GUCY1B1: variants seen among roughly 807,000 people sequenced by gnomAD.
GUCY1B1 encodes the protein guanylate cyclase 1 soluble subunit beta 1.
In GUCY1B1, 43 loss-of-function variants were observed where a neutral mutation model predicts 71.0. The observed-to-expected ratio is 0.61, with a 90% CI of 0.47 to 0.78. The LOEUF (loss-of-function observed/expected upper bound fraction) is 0.78, where lower values mean the gene tolerates loss of function less well. Ranked by LOEUF, GUCY1B1 falls within the 30% of genes least tolerant of loss-of-function variation. The pLI, the probability that GUCY1B1 is intolerant of heterozygous loss-of-function variation, is 0.00. For synonymous variants in GUCY1B1, 266 were observed against 259.7 expected, an observed-to-expected ratio of 1.02 and a Z score of -0.23; for missense variants, 535 against 754.1, an observed-to-expected ratio of 0.71 and a Z score of 3.40.
chr4:155,803,734 C>A lies in GUCY1B1; in HGVS notation c.1524C>A (p.Gly508=). 6.3e-7 allele frequency: 1 copy of A among 1,597,926 alleles called. No individual in the cohort carries two copies. Among genetic ancestry groups the A allele is most frequent in the Non-Finnish European group, 8.5e-7 (1 of 1,171,986 alleles). Residue 508 remains glycine, a synonymous_variant, in exon 11 of 14, where the codon GGC becomes GGA. Transcript: ENST00000264424. ...HLALDMMEIA[G]QVQVDGESVQ... ...CCTTGGACATGATGGAAATTGCTGG[C>A]CAGGTTCAAGTAGATGGTGAATCTG...
chr4:155,770,516 G>C (rs549906187), intron 2 of GUCY1B1, among the ~76,000 whole-genome samples: 3 of 152,254 alleles, frequency 2.0e-5, no homozygotes, highest in Admixed American at 1.3e-4. Context: ...AGCTTCAAAG[G>C]CCATATTATC....
chr4:155,781,497 A>G (rs1013103399), intron 4 of GUCY1B1, among the ~76,000 whole-genome samples: 2 of 152,196 alleles, frequency 1.3e-5, no homozygotes, highest in Non-Finnish European at 2.9e-5. Flanking sequence ...AAAAATTTGC[A>G]TTATGCGTAT....
At chr4:155,785,514 A>C (rs982188005) in intron 4 of GUCY1B1, among the ~76,000 whole-genome samples, 1 of 152,166 alleles carries the variant, frequency 6.6e-6, no homozygotes, top group Non-Finnish European at 1.5e-5. Context: ...AGCAATGTGG[A>C]TGAACTATCA....
chr4:155,791,789 C>T (rs866739460), intron 5 of GUCY1B1, among the ~76,000 whole-genome samples: 10 of 106,356 alleles, frequency 9.4e-5, no homozygotes, highest in Non-Finnish European at 2.1e-4. Context: ...CAAAAAAAAA[C>T]ACAGCATCTA....
chr4:155,793,858 T>G lies in GUCY1B1; in HGVS notation c.498T>G (p.Val166=). 1.5e-6 allele frequency: 2 copies of G among 1,355,026 alleles called. No homozygotes were observed. Among genetic ancestry groups the G allele is most frequent in the Non-Finnish European group, 2.1e-6 (2 of 944,120 alleles). 83.9% of individuals were successfully genotyped at this position (1,355,026 alleles called of 1,614,324 possible). A position where few individuals can be genotyped will look rare whatever the true frequency, so the allele number is the denominator to read the frequency against. ...QIHGTEIDMK[V]IQQRNEECDH... ...CCATTTCCCCCTTTGATATCCAGGT[T>G]ATTCAGCAAAGAAATGAAGAATGTG... Residue 166 remains valine, a splice_region_variant and synonymous_variant, in exon 6 of 14, where the codon GTT becomes GTG. Transcript: ENST00000264424.
Position 155,804,493 on chromosome 4 carries a change from A to G in GUCY1B1, c.1555-100A>G. On this transcript the variant is annotated intron_variant, in intron 11 of 13. Coordinates refer to ENST00000264424, the MANE Select transcript of GUCY1B1 (RefSeq NM_000857.5). ...ATATATACCTATGTAACAAACCTGC[A>G]CCTTCTGCACCTGTATGCCAGAACT... 6 of 865,768 alleles carry G rather than the reference A, an allele frequency of 6.9e-6. 1 individual carries two copies. The South Asian group carries it at 9.7e-5, about 14-fold the overall frequency. The allele number at this position is 865,768 out of a possible 1,614,324, so 53.6% of individuals were successfully genotyped here. A position where few individuals can be genotyped will look rare whatever the true frequency, so the allele number is the denominator to read the frequency against.
intron 4 of GUCY1B1, among the ~76,000 whole-genome samples, chr4:155,781,631 G>A (rs571069344): frequency 1.6e-4 from 24 of 151,370 alleles, no homozygotes; most frequent in Non-Finnish European, 2.7e-4. Flanking sequence ...ATATATTTAC[G>A]ATAAATAAAA....
intron 2 of GUCY1B1, among the ~76,000 whole-genome samples, chr4:155,761,802 C>T (rs1737014785): frequency 6.6e-6 from 1 of 152,144 alleles, no homozygotes; most frequent in Non-Finnish European, 1.5e-5. Context: ...CATAATTTGT[C>T]TAAAGGATAA....
chr4:155,800,722 A>G (rs1579256380), intron 9 of GUCY1B1, among the ~76,000 whole-genome samples: 1 of 152,248 alleles, frequency 6.6e-6, no homozygotes, highest in East Asian at 1.9e-4. Flanking sequence ...AAGTAAGTAC[A>G]TAGCATGCAT....
At chr4:155,794,222 T>C (rs969377412) in intron 6 of GUCY1B1, 136 bp downstream of exon 6, 1 of 562,066 alleles carries the variant, frequency 1.8e-6, no homozygotes, top group Non-Finnish European at 3.1e-6. Flanking sequence ...TTACACAAAT[T>C]GTTTAATTGT....
At chr4:155,768,826 G>A (rs2110994795) in intron 2 of GUCY1B1, among the ~76,000 whole-genome samples, 1 of 152,254 alleles carries the variant, frequency 6.6e-6, no homozygotes, top group Middle Eastern at 3.4e-3. Flanking sequence ...TACAAAGAAT[G>A]TGATTATTTC....
At chr4:155,806,303 A>G (rs1740308709) in intron 13 of GUCY1B1, 83 bp from the exon 14 acceptor site, 1 of 874,544 alleles carries the variant, frequency 1.1e-6, no homozygotes, top group Admixed American at 2.0e-5. Flanking sequence ...TCACACTCTC[A>G]TAAAGAGAAA....
chr4:155,762,319 AT>A (rs1403127630), intron 2 of GUCY1B1, among the ~76,000 whole-genome samples: 1 of 149,306 alleles, frequency 6.7e-6, no homozygotes, highest in African/African-American at 2.4e-5. Flanking sequence ...GAAATTGAAT[AT>A]AAGAGGAAAA....
Position 155,799,973 on chromosome 4 carries a change from A to G in GUCY1B1, c.1074A>G (p.Gln358=). The change falls in exon 9 of 14, where the codon CAA becomes CAG. Residue 358 remains glutamine (Q), a synonymous_variant. Transcript: ENST00000264424. ...GCGATCTTGTTCTTTTGGGAGAACA[A>G]TTTAGAGAGGAATACAAACTCACCC... The part of the protein sequence containing the change: ...ATRDLVLLGE[Q]FREEYKLTQE... The G allele has an allele frequency of 6.2e-7, 1 of 1,613,536 alleles. No individual in the cohort carries two copies. The highest frequency in any genetic ancestry group is 8.5e-7 in the Non-Finnish European group (1 of 1,179,526).
intron 5 of GUCY1B1, among the ~76,000 whole-genome samples, chr4:155,791,779 C>CAA (rs10669957): frequency 0.53 from 76,289 of 144,036 alleles, 20,360 homozygotes; most frequent in Middle Eastern, 0.69. Context: ...AAACGAAAAA[C>CAA]AAAAAAAAAC....
At position 155,789,825 on chromosome 4, in the gene GUCY1B1, T is replaced by G. The variant is rs1322681498; in HGVS notation, c.409T>G (p.Ser137Ala). 1 of 1,611,224 alleles carries G rather than the reference T, an allele frequency of 6.2e-7. No homozygotes were observed. Among genetic ancestry groups the G allele is most frequent in the Non-Finnish European group, 8.5e-7 (1 of 1,177,456 alleles). Reference protein sequence around the residue: ...KGKGLILHYYSEREGLQDIVI... With the variant: ...KGKGLILHYYAEREGLQDIVI... ...CAAAGGACTCATTTTGCACTACTACTCAGAGAGAGAAGGACTTCAGGATAT... is the reference window on the plus strand; with the variant it reads ...CAAAGGACTCATTTTGCACTACTACGCAGAGAGAGAAGGACTTCAGGATAT... Residue 137 changes from serine to alanine, a missense_variant, in exon 5 of 14, where the codon TCA becomes GCA. Transcript: ENST00000264424.
intron 9 of GUCY1B1, among the ~76,000 whole-genome samples, chr4:155,800,403 C>A (rs997288266): frequency 6.6e-6 from 1 of 152,146 alleles, no homozygotes; most frequent in Admixed American, 6.5e-5. Flanking sequence ...TTCTTTCATA[C>A]AAGAGTTATA....
chr4:155,795,495 A>ACCTT, intron 7 of GUCY1B1, 38 bp downstream of exon 7: 1 of 991,796 alleles, frequency 1.0e-6, no homozygotes, highest in Non-Finnish European at 1.6e-6. Flanking sequence ...TGAGAAAGGT[A>ACCTT]TGTCACAAAT....
intron 4 of GUCY1B1, among the ~76,000 whole-genome samples, chr4:155,778,536 T>G (rs1408949265): frequency 6.6e-6 from 1 of 152,236 alleles, no homozygotes; most frequent in African/African-American, 2.4e-5. Flanking sequence ...GCTGCATTAT[T>G]GATTTAACAG....
Sources: gnomAD v4.1 joint callset for allele counts (sites outside exome capture counted in the v4.1 genomes callset) on GRCh38, gnomAD v4.1.1 for gene constraint, MANE v1.5 for transcripts, NCBI Gene and HGNC (gene_info 2026-07-23, HGNC 2026-07-21) for gene names.